Variants in CLN6 observed in about 807,000 individuals in gnomAD.
CLN6 encodes the protein CLN6 transmembrane ER protein.
In CLN6, 22 loss-of-function variants were observed where a neutral mutation model predicts 33.3. The observed-to-expected ratio is 0.66, with a 90% confidence interval of 0.47 to 0.94. The LOEUF is 0.94. CLN6 is among the 40% of genes least tolerant of loss of function. The pLI is 0.00. For synonymous variants in CLN6, 201 were observed against 174.6 expected (o/e 1.15, Z -1.19); for missense variants, 387 against 417.1 (o/e 0.93, Z 0.63).
chr15:68,227,334 C>T lies in CLN6; in HGVS notation c.83+2168G>A, dbSNP rs1374322633. 6.6e-6 allele frequency among the ~76,000 whole-genome samples: 1 copy of T among 152,206 alleles called. No homozygotes were observed. The highest frequency in any genetic ancestry group is 2.4e-5 in the African/African-American group (1 of 41,458). On this transcript the variant is annotated intron_variant, in intron 1 of 6. Coordinates refer to ENST00000249806, the MANE Select transcript of CLN6 (RefSeq NM_017882.3). The surrounding 1 kb of genome is among the most constrained non-coding windows in gnomAD (Gnocchi z 4.1). ...GATTACAGGCGTGAGCCATGGCACC[C>T]GGCCTAATTGTAACACTTTCATTAT...
chr15:68,218,417 TTC>T (rs1595821277), intron 2 of CLN6, 117 bp downstream of exon 2: 1 of 793,796 alleles, frequency 1.3e-6, no homozygotes, highest in East Asian at 2.6e-5. Flanking sequence ...TCCAGGCCTA[TTC>T]TCTCAGTTTA....
chr15:68,229,757 A>G (rs1234008963), upstream of CLN6: 12 of 94,896 alleles, frequency 1.3e-4, no homozygotes, highest in African/African-American at 4.1e-4. Flanking sequence ...GGCGGGGCGG[A>G]GCGGAGCGGA....
intron 1 of CLN6, among the ~76,000 whole-genome samples, chr15:68,240,487 G>C (rs1283464187): frequency 6.6e-6 from 1 of 152,048 alleles, no homozygotes; most frequent in Non-Finnish European, 1.5e-5. Context: ...TGTAATCCCA[G>C]CTATTTGGGA....
chr15:68,238,001 T>TGCCG lies in CLN6; in HGVS notation c.179+18688_179+18689insCGGC, dbSNP rs1416030764. Among the ~76,000 whole-genome samples, 7 of 152,230 alleles carry TGCCG rather than the reference T, an allele frequency of 4.6e-5. No homozygotes were observed. In the East Asian group the frequency reaches 1.4e-3, roughly 29 times the overall value. On this transcript the variant is annotated intron_variant, in intron 1 of 6. Coordinates refer to the CLN6 transcript ENST00000538696. ...AGCTGAGCGTGGTGGTGGGTGCCTG[T>TGCCG]AGTCCCAGGTACTCGGGAGGCTGAG...
In CLN6 at chr15:68,209,314, G is replaced by A. The variant is rs1239736607; in HGVS notation, c.665+323C>T. Among the ~76,000 whole-genome samples the A allele has an allele frequency of 1.3e-5, 2 of 152,186 alleles. No homozygotes were observed. Among genetic ancestry groups the A allele is most frequent in the African/African-American group, 4.8e-5 (2 of 41,430 alleles). ...GCAGCCCACTACAGGGCTTGGTGTCGGAGGTGGATTGTACCGGCCCCAGGG... is the reference window on the plus strand; with the variant it reads ...GCAGCCCACTACAGGGCTTGGTGTCAGAGGTGGATTGTACCGGCCCCAGGG... On this transcript the variant is annotated intron_variant, in intron 6 of 6. Coordinates refer to ENST00000249806, the MANE Select transcript of CLN6 (RefSeq NM_017882.3). The surrounding 1 kb of genome is among the most constrained non-coding windows in gnomAD (Gnocchi z 4.9).
In CLN6 at chr15:68,214,306, G is replaced by A; in HGVS notation, c.281C>T (p.Pro94Leu). The A allele has an allele frequency of 6.2e-7, 1 of 1,613,634 alleles. No individual in the cohort carries two copies. Among genetic ancestry groups the A allele is most frequent in the Non-Finnish European group, 8.5e-7 (1 of 1,179,534 alleles). Reference sequence around the variant, plus strand: ...GGACAGTACCTTGAGCAAGAGAAAGGGCGTGATGACGTTGTAGGCCATGTG... The same window carrying A: ...GGACAGTACCTTGAGCAAGAGAAAGAGCGTGATGACGTTGTAGGCCATGTG... ...YFHMAYNVIT[P>L]FLLLKLIERS... Residue 94 changes from proline to leucine, a missense_variant, in exon 3 of 7, where the codon CCC becomes CTC. Coordinates refer to ENST00000249806, the MANE Select transcript of CLN6 (RefSeq NM_017882.3).
At position 68,219,383 on chromosome 15, in the gene CLN6, G is replaced by C. The variant is rs1190209326; in HGVS notation, c.84-733C>G. 1.1e-4 allele frequency among the ~76,000 whole-genome samples: 17 copies of C among 152,162 alleles called. No homozygotes were observed. Among genetic ancestry groups the C allele is most frequent in the Admixed American group, 1.1e-3 (17 of 15,276 alleles). On this transcript the variant is annotated intron_variant, in intron 1 of 6. Coordinates refer to ENST00000249806, the MANE Select transcript of CLN6 (RefSeq NM_017882.3). The surrounding 1 kb of genome is among the most constrained non-coding windows in gnomAD (Gnocchi z 4.2). Reference sequence around the variant, plus strand: ...GTGAGGAGGTCAGGTTGGGCTGCTGGTAATCCTCTTCTCAGCAGTCCACAG... The same window carrying C: ...GTGAGGAGGTCAGGTTGGGCTGCTGCTAATCCTCTTCTCAGCAGTCCACAG...
intron 1 of CLN6, among the ~76,000 whole-genome samples, chr15:68,249,962 G>C (rs575818726): frequency 4.2e-4 from 64 of 152,074 alleles, no homozygotes; most frequent in Admixed American, 1.8e-3. Context: ...TAGTAGAGAC[G>C]GGGTTTCACC....
At chr15:68,232,044 G>T (rs2093269272), upstream of CLN6, among the ~76,000 whole-genome samples, 1 of 152,010 alleles carries the variant, frequency 6.6e-6, no homozygotes, top group South Asian at 2.1e-4. The surrounding 1 kb of genome is among the most constrained non-coding windows in gnomAD (Gnocchi z 4.7). Context: ...AATTTCAGTG[G>T]CCAGCATCAA....
In CLN6 at chr15:68,234,978, C is replaced by G. The variant is rs978167138; in HGVS notation, c.180-16328G>C. ...GTTGCAGTGAGCCAAGATTGTGCCA[C>G]TGCACACCAGCCTGGGTGACAGAGT... On this transcript the variant is annotated intron_variant, in intron 1 of 6. Coordinates refer to the CLN6 transcript ENST00000538696. The surrounding 1 kb of genome is among the most constrained non-coding windows in gnomAD (Gnocchi z 4.1). Among the ~76,000 whole-genome samples the G allele has an allele frequency of 6.6e-6, 1 of 152,216 alleles. No individual in the cohort carries two copies. The highest frequency in any genetic ancestry group is 6.5e-5 in the Admixed American group (1 of 15,284).
rs2093197983 is a variant in CLN6, at chr15:68,209,415, T to G, written c.665+222A>C. Among the ~76,000 whole-genome samples the G allele has an allele frequency of 1.3e-5, 2 of 151,704 alleles. No individual in the cohort carries two copies. Among genetic ancestry groups the G allele is most frequent in the South Asian group, 4.2e-4 (2 of 4,806 alleles). ...GGAGACAGACTGTGCAACCTCGCCCTCTCCTCCCACCTCCCTGCCACACCC... is the reference window on the plus strand; with the variant it reads ...GGAGACAGACTGTGCAACCTCGCCCGCTCCTCCCACCTCCCTGCCACACCC... On this transcript the variant is annotated intron_variant, in intron 6 of 6. Coordinates refer to ENST00000249806, the MANE Select transcript of CLN6 (RefSeq NM_017882.3). The surrounding 1 kb of genome is among the most constrained non-coding windows in gnomAD (Gnocchi z 4.9).
rs200775021 is a variant in CLN6 at position 68,211,333 on chromosome 15, G to A, written c.487-15C>T. 524 of 1,613,696 alleles carry A rather than the reference G, an allele frequency of 3.2e-4. No homozygotes were observed. The highest frequency in any genetic ancestry group is 3.4e-4 in the Non-Finnish European group (405 of 1,179,932). ...AAGGAGTCGATCTGAGGGAGGAACG[G>A]GCAGGGCAGAGTCGGGGGATGTCGA... is the stretch of plus-strand genomic sequence containing the variant. On this transcript the variant is annotated splice_polypyrimidine_tract_variant and intron_variant, in intron 4 of 6. Transcript: ENST00000249806. This position sits in a 1 kb window ranked among gnomAD's most constrained non-coding sequence, Gnocchi z 5.9.
Position 68,209,163 on chromosome 15 carries a change from AC to A in CLN6, c.665+473del, listed in dbSNP as rs1283366545. Among the ~76,000 whole-genome samples, 5 of 150,718 alleles carry A rather than the reference AC, an allele frequency of 3.3e-5. No homozygotes were observed. The highest frequency in any genetic ancestry group is 1.2e-4 in the African/African-American group (5 of 40,900). On this transcript the variant is annotated intron_variant, in intron 6 of 6. Transcript: ENST00000249806. The surrounding 1 kb of genome is among the most constrained non-coding windows in gnomAD (Gnocchi z 4.9). ...AGGCCAGAAGCCCCTACGCCATGAA[AC>A]CCCCCAGTCTGGCCTCGCCATAGTG...
intron 1 of CLN6, among the ~76,000 whole-genome samples, chr15:68,225,084 G>A (rs1431693289): frequency 6.6e-6 from 1 of 151,956 alleles, no homozygotes; most frequent in African/African-American, 2.4e-5. Flanking sequence ...ACCACAGAGA[G>A]ACTAATTTTG....
At chr15:68,213,170 C>T (rs952710476) in intron 3 of CLN6, 1 of 152,038 alleles carries the variant, frequency 6.6e-6, no homozygotes, top group Admixed American at 6.5e-5. Context: ...GATCTGCCTG[C>T]CTTGGGCTCC....
chr15:68,214,705 G>A, intron 2 of CLN6: 1 of 362,804 alleles, frequency 2.8e-6, no homozygotes, highest in South Asian at 2.2e-5. Context: ...GCCAGCTTGG[G>A]AGTTGGTAGG....
Position 68,229,720 on chromosome 15 carries a change from G to A in CLN6, c.-136C>T. ...GCCGGCGAGAGCGCGCGGCCCTCGG[G>A]AGGAACAGGCGGGGCTGCGGACCCG... On this transcript the variant is annotated 5_prime_UTR_variant, in exon 1 of 7. Coordinates refer to ENST00000249806, the MANE Select transcript of CLN6 (RefSeq NM_017882.3). 1 of 587,852 alleles carries A rather than the reference G, an allele frequency of 1.7e-6. No homozygotes were observed. Among genetic ancestry groups the A allele is most frequent in the Non-Finnish European group, 2.6e-6 (1 of 391,008 alleles). The allele number at this position is 587,852 out of a possible 1,614,324, so 36.4% of individuals were successfully genotyped here. A position where few individuals can be genotyped will look rare whatever the true frequency, so the allele number is the denominator to read the frequency against.
intron 1 of CLN6, among the ~76,000 whole-genome samples, chr15:68,240,933 G>C (rs868710410): frequency 2.0e-5 from 3 of 149,082 alleles, no homozygotes; most frequent in African/African-American, 7.5e-5. Flanking sequence ...GCAGTGAGCC[G>C]AGATCGCACC....
At position 68,241,511 on chromosome 15, in the gene CLN6, C is replaced by T. The variant is rs1892280087; in HGVS notation, c.179+15179G>A. ...TTGAGGTGGACGACTAGCTTTTCCA[C>T]CATTGTGGGTTTCCTGGCAGGAGAC... On this transcript the variant is annotated intron_variant, in intron 1 of 6. Coordinates refer to the CLN6 transcript ENST00000538696. The surrounding 1 kb of genome is among the most constrained non-coding windows in gnomAD (Gnocchi z 4.2). 6.6e-6 allele frequency among the ~76,000 whole-genome samples: 1 copy of T among 152,058 alleles called. No homozygotes were observed. Among genetic ancestry groups the T allele is most frequent in the Non-Finnish European group, 1.5e-5 (1 of 67,998 alleles).
Sources: allele counts gnomAD v4.1 joint callset (sites outside exome capture counted in the v4.1 genomes callset), GRCh38; gene constraint gnomAD v4.1.1; non-coding constraint Gnocchi (gnomAD v3.1); transcripts MANE v1.5; gene names NCBI Gene and HGNC (gene_info 2026-07-23, HGNC 2026-07-21).